Variants in ASXL2 observed in about 807,000 individuals in gnomAD.
The protein encoded by ASXL2 is putative Polycomb group protein ASXL2.
A neutral mutation model predicts 122.0 loss-of-function variants in ASXL2; 23 were observed. That is an observed-to-expected ratio of 0.19 (90% CI 0.14 to 0.27). ASXL2 has a LOEUF of 0.27. ASXL2 is among the 10% of genes least tolerant of loss of function. ASXL2 has a pLI of 1.00. For missense variants in ASXL2, 1,518 were observed against 1,713.8 expected (o/e 0.89, Z 2.02); for synonymous variants, 650 against 637.0 (o/e 1.02, Z -0.31).
In ASXL2 at chr2:25,735,059, A is replaced by C. The variant is rs970914866; in HGVS notation, c.*6970T>G. ...TCTTTTGGGTTTGAAGAAGCACGAA[A>C]AGCAAGGTTGCAGTTACTTTTCAGG... On this transcript the variant is annotated 3_prime_UTR_variant, in exon 13 of 13. Transcript: ENST00000435504. The C allele has an allele frequency of 4.6e-5, 7 of 152,188 alleles. No individual in the cohort carries two copies. Among genetic ancestry groups the C allele is most frequent in the Non-Finnish European group, 8.8e-5 (6 of 68,028 alleles). The allele number at this position is 152,188 out of a possible 1,614,324, so 9.4% of individuals were successfully genotyped here. A position where few individuals can be genotyped will look rare whatever the true frequency, so the allele number is the denominator to read the frequency against.
At chr2:25,762,374 GT>G in intron 8 of ASXL2, among the ~76,000 whole-genome samples, 1 of 150,436 alleles carries the variant, frequency 6.6e-6, no homozygotes, top group South Asian at 2.1e-4. Context: ...TAAAAGAAGA[GT>G]AAGAAAGAGG....
At chr2:25,809,221 C>T (rs1395218286) in intron 3 of ASXL2, among the ~76,000 whole-genome samples, 1 of 150,858 alleles carries the variant, frequency 6.6e-6, no homozygotes, top group Non-Finnish European at 1.5e-5. Flanking sequence ...ATTCTGCAGG[C>T]AGTTGAGAGG....
intron 5 of ASXL2, among the ~76,000 whole-genome samples, chr2:25,784,053 CTAAATAAATAAATAAATAAATAAA>C (rs59180424): frequency 4.3e-5 from 6 of 138,396 alleles, no homozygotes; most frequent in South Asian, 2.4e-4. Context: ...AACTCCATCT[CTAAATAAATAAATAAATAAATAAA>C]TAAATAAATA....
rs1373173026 is a variant in ASXL2, at chr2:25,733,782, A to G, written c.*8247T>C. The G allele has an allele frequency of 1.3e-5, 2 of 152,210 alleles. No homozygotes were observed. The highest frequency in any genetic ancestry group is 1.9e-4 in the East Asian group (1 of 5,200). 9.4% of individuals were successfully genotyped at this position (152,210 alleles called of 1,614,324 possible). On this transcript the variant is annotated 3_prime_UTR_variant, in exon 13 of 13. Coordinates refer to ENST00000435504, the MANE Select transcript of ASXL2 (RefSeq NM_018263.6). ...GTAAAACTGTATGCCTTTATTCAAC[A>G]TAGAATGAGTCAGTAAAATATGGTT... is the stretch of plus-strand genomic sequence containing the variant.
rs2088023539 is a variant in ASXL2 at position 25,750,306 on chromosome 2, G to A, written c.1250C>T (p.Ala417Val). ...EQPKSMPVSE[A>V]SLIRIVPVVS... is the part of the protein sequence containing the mutation. ...TACTGGAACTATTCTGATAAGAGAGGCCTCTGACACAGGCATGGATTTTGG... is the reference window on the plus strand; with the variant it reads ...TACTGGAACTATTCTGATAAGAGAGACCTCTGACACAGGCATGGATTTTGG... The change falls in exon 12 of 13, where the codon GCC becomes GTC. Residue 417 changes from alanine (A) to valine (V), a missense_variant. Around this residue, in one of 8 missense-constraint regions of ASXL2, gnomAD observed 292 missense variants for 293.5 expected, o/e 1.00. Coordinates refer to ENST00000435504, the MANE Select transcript of ASXL2 (RefSeq NM_018263.6). 1.9e-6 allele frequency: 3 copies of A among 1,613,942 alleles called. No homozygotes were observed. The highest frequency in any genetic ancestry group is 2.5e-6 in the Non-Finnish European group (3 of 1,179,872).
At position 25,797,376 on chromosome 2, in the gene ASXL2, C is replaced by T. The variant is rs151157705; in HGVS notation, c.403+2009G>A. On this transcript the variant is annotated intron_variant, in intron 5 of 12. Coordinates refer to ENST00000435504, the MANE Select transcript of ASXL2 (RefSeq NM_018263.6). ...AGGAGAATCCTTTGAACCCAGAAGG[C>T]GGAGGTTGCAGTGAGCCGAGATCGC... 5.4e-3 allele frequency among the ~76,000 whole-genome samples: 824 copies of T among 152,182 alleles called. 4 individuals are homozygous for T. Among genetic ancestry groups the T allele is most frequent in the Non-Finnish European group, 8.4e-3 (573 of 67,998 alleles).
chr2:25,872,608 T>C (rs913665497), intron 1 of ASXL2, among the ~76,000 whole-genome samples: 7 of 151,986 alleles, frequency 4.6e-5, no homozygotes, highest in African/African-American at 1.2e-4. Context: ...ATAAAGAAGA[T>C]AGTAATACAA....
intron 1 of ASXL2, among the ~76,000 whole-genome samples, chr2:25,853,062 C>T (rs1363428823): frequency 6.6e-6 from 1 of 152,072 alleles, no homozygotes; most frequent in African/African-American, 2.4e-5. Context: ...TAAGGGAGAC[C>T]CAAATATCCC....
chr2:25,737,143 T>C lies in ASXL2; in HGVS notation c.*4886A>G, dbSNP rs1323505919. 1.3e-5 allele frequency: 2 copies of C among 152,082 alleles called. No individual in the cohort carries two copies. Among genetic ancestry groups the C allele is most frequent in the East Asian group, 3.9e-4 (2 of 5,192 alleles). The allele number at this position is 152,082 out of a possible 1,614,324, so 9.4% of individuals were successfully genotyped here. On this transcript the variant is annotated 3_prime_UTR_variant, in exon 13 of 13. Transcript: ENST00000435504. ...CTCTTCACATTATTTTCCTTGCTCT[T>C]TGACCTCTCCAGATTAGACGGGCAG...
chr2:25,843,779 C>G (rs1344603536), intron 2 of ASXL2, among the ~76,000 whole-genome samples: 4 of 132,272 alleles, frequency 3.0e-5, no homozygotes, highest in Non-Finnish European at 6.2e-5. Context: ...AGCCACTGCA[C>G]TCAAGGCTGG....
chr2:25,870,441 T>C (rs1178851668), intron 1 of ASXL2, among the ~76,000 whole-genome samples: 1 of 152,122 alleles, frequency 6.6e-6, no homozygotes, highest in Non-Finnish European at 1.5e-5. Flanking sequence ...GGAGAATCAC[T>C]TGAACCCAGG....
chr2:25,828,106 T>C (rs764011479), intron 3 of ASXL2, among the ~76,000 whole-genome samples: 16 of 152,002 alleles, frequency 1.1e-4, no homozygotes. Flanking sequence ...ATAACAAGGT[T>C]CAATATTATT....
intron 5 of ASXL2, among the ~76,000 whole-genome samples, chr2:25,775,245 A>G (rs1268861127): frequency 6.6e-6 from 1 of 152,108 alleles, no homozygotes; most frequent in African/African-American, 2.4e-5. Flanking sequence ...CTCCTGCCTC[A>G]GCCTCCTGAG....
At chr2:25,758,988 T>A (rs576137845) in intron 9 of ASXL2, among the ~76,000 whole-genome samples, 15 of 152,150 alleles carry the variant, frequency 9.9e-5, no homozygotes, top group Middle Eastern at 6.8e-3. Context: ...GGAGTTTCAC[T>A]CTGTCACTCA....
Position 25,756,435 on chromosome 2 carries a change from C to T in ASXL2, c.940-321G>A, listed in dbSNP as rs149755805. 2.8e-3 allele frequency among the ~76,000 whole-genome samples: 385 copies of T among 135,852 alleles called. 1 individual carries two copies. The highest frequency in any genetic ancestry group is 0.01 in the African/African-American group (362 of 35,762). The allele number at this position is 135,852 out of a possible 152,430, so 89.1% of individuals were successfully genotyped here. On this transcript the variant is annotated intron_variant, in intron 9 of 12. Transcript: ENST00000435504. Reference sequence around the variant, plus strand: ...CACCCAGTAGAAAATAAAGCTGAATCCCAGATTCAGATAATGACAAAAAAA... The same window carrying T: ...CACCCAGTAGAAAATAAAGCTGAATTCCAGATTCAGATAATGACAAAAAAA...
chr2:25,809,484 T>C (rs919767897), intron 3 of ASXL2, among the ~76,000 whole-genome samples: 1 of 152,164 alleles, frequency 6.6e-6, no homozygotes, highest in African/African-American at 2.4e-5. Context: ...TCTGTTTGGC[T>C]CTCAGTAAGG....
intron 1 of ASXL2, among the ~76,000 whole-genome samples, chr2:25,851,990 C>A (rs997133942): frequency 2.6e-5 from 4 of 152,180 alleles, no homozygotes. Context: ...GGGAAAAAAA[C>A]CCTTTCTTGG....
intron 1 of ASXL2, among the ~76,000 whole-genome samples, chr2:25,877,726 A>T (rs1317563305): frequency 6.6e-6 from 1 of 152,130 alleles, no homozygotes; most frequent in African/African-American, 2.4e-5. Flanking sequence ...GGTAAATTCT[A>T]TCCAGCTCCA....
chr2:25,841,485 G>C (rs1244784915), intron 2 of ASXL2, among the ~76,000 whole-genome samples: 2 of 151,990 alleles, frequency 1.3e-5, no homozygotes, highest in African/African-American at 4.8e-5. Context: ...CTTAACGTAA[G>C]GTACAGAGAA....
Sources: gnomAD v4.1 joint callset for allele counts (sites outside exome capture counted in the v4.1 genomes callset) on GRCh38, gnomAD v4.1.1 for gene constraint, gnomAD v4.1.1 regional missense constraint, MANE v1.5 for transcripts, NCBI Gene and HGNC (gene_info 2026-07-23, HGNC 2026-07-21) for gene names.